GSE1: variants seen among roughly 807,000 people sequenced by gnomAD.
The protein encoded by GSE1 is Gse1 coiled-coil protein, also known as genetic suppressor element 1.
Under a neutral mutation model 112.6 loss-of-function variants are expected in GSE1, and 32 were observed. The observed-to-expected ratio is 0.28, with a 90% CI of 0.21 to 0.38. GSE1 has a LOEUF of 0.38. Ranked by LOEUF, GSE1 falls within the 10% of genes least tolerant of loss-of-function variation. The pLI, the probability that GSE1 is intolerant of heterozygous loss-of-function variation, is 1.00. For missense variants in GSE1, 2,348 were observed against 1,699.2 expected (o/e 1.38, Z -6.71); for synonymous variants, 1,115 against 735.6 (o/e 1.52, Z -8.35).
chr16:85,503,833 G>T (rs191941607), intron 2 of GSE1, among the ~76,000 whole-genome samples: 7 of 152,296 alleles, frequency 4.6e-5, no homozygotes, highest in African/African-American at 1.7e-4. Context: ...ATCATCACCC[G>T]TGAACCCATT....
intron 1 of GSE1, among the ~76,000 whole-genome samples, chr16:85,254,081 C>T (rs963056963): frequency 3.3e-5 from 5 of 152,134 alleles, no homozygotes; most frequent in East Asian, 1.9e-4. Flanking sequence ...CAGCACCATC[C>T]GATTGCCAGC....
chr16:85,402,718 T>C (rs2048145123), intron 2 of GSE1, among the ~76,000 whole-genome samples: 1 of 151,934 alleles, frequency 6.6e-6, no homozygotes, highest in Non-Finnish European at 1.5e-5. Flanking sequence ...GCCCAGGAGT[T>C]CAAGACCAGC....
At chr16:85,424,599 C>T (rs2048925128) in intron 2 of GSE1, among the ~76,000 whole-genome samples, 1 of 152,262 alleles carries the variant, frequency 6.6e-6, no homozygotes, top group South Asian at 2.1e-4. Context: ...TCCCAGCCCG[C>T]CAGGATCTTG....
At chr16:85,518,784 T>C (rs557272683) in intron 2 of GSE1, among the ~76,000 whole-genome samples, 1 of 151,992 alleles carries the variant, frequency 6.6e-6, no homozygotes, top group African/African-American at 2.4e-5. Context: ...CCCTGTGGTA[T>C]AAAAAGGACC....
At position 85,483,943 on chromosome 16, in the gene GSE1, G is replaced by A. The variant is rs543997225; in HGVS notation, c.2464+126300G>A. ...CCATCCTCTCAGCTGGGACAGTGGG[G>A]GACTTTCAGACCTAAGCGTTGGAGG... On this transcript the variant is annotated intron_variant, in intron 2 of 2. Transcript: ENST00000637419. Among the ~76,000 whole-genome samples, 12 of 152,300 alleles carry A rather than the reference G, an allele frequency of 7.9e-5. No homozygotes were observed. The South Asian group carries it at 2.5e-3, about 32-fold the overall frequency.
intron 1 of GSE1, among the ~76,000 whole-genome samples, chr16:85,258,383 A>C (rs1336575856): frequency 6.6e-6 from 1 of 152,190 alleles, no homozygotes; most frequent in African/African-American, 2.4e-5. Flanking sequence ...CCACAGTGAA[A>C]GGATGTTGAG....
intron 2 of GSE1, among the ~76,000 whole-genome samples, chr16:85,449,919 C>G (rs1276873442): frequency 6.6e-6 from 1 of 152,186 alleles, no homozygotes. Context: ...CTGCCGCTGC[C>G]CTTCCTGCCA....
intron 2 of GSE1, among the ~76,000 whole-genome samples, chr16:85,475,776 CT>C (rs57562071): frequency 0.37 from 53,784 of 144,186 alleles, 10,981 homozygotes; most frequent in African/African-American, 0.5. Flanking sequence ...AATTGTTTTT[CT>C]TTTTTTTTTT....
chr16:85,666,460 T>C, intron 13 of GSE1, 113 bp downstream of exon 13: 1 of 930,476 alleles, frequency 1.1e-6, no homozygotes, highest in Non-Finnish European at 1.7e-6. Flanking sequence ...TTTTATAAAC[T>C]CCAATCACCA....
intron 1 of GSE1, among the ~76,000 whole-genome samples, chr16:85,312,410 C>G (rs1236674243): frequency 6.6e-6 from 1 of 152,200 alleles, no homozygotes; most frequent in African/African-American, 2.4e-5. Flanking sequence ...TCTTCCAGTT[C>G]CCATTGGTCC....
chr16:85,620,758 G>A (rs2048680422), intron 1 of GSE1, among the ~76,000 whole-genome samples: 1 of 152,100 alleles, frequency 6.6e-6, no homozygotes, highest in South Asian at 2.1e-4. Flanking sequence ...ACTGTTCTCA[G>A]CCCTGGGTCT....
chr16:85,486,270 C>T (rs1470670200), intron 2 of GSE1, among the ~76,000 whole-genome samples: 1 of 151,358 alleles, frequency 6.6e-6, no homozygotes, highest in Non-Finnish European at 1.5e-5. Flanking sequence ...CCCTTATACT[C>T]ACAGGTGGAC....
intron 1 of GSE1, chr16:85,582,094 G>C (rs2151387463): frequency 6.6e-6 from 1 of 152,342 alleles, no homozygotes; most frequent in Middle Eastern, 3.4e-3. Context: ...GGGCGGAATT[G>C]GGTGGGGAAG....
At chr16:85,493,913 T>G (rs1256743476) in intron 2 of GSE1, among the ~76,000 whole-genome samples, 1 of 151,252 alleles carries the variant, frequency 6.6e-6, no homozygotes, top group African/African-American at 2.4e-5. Context: ...AGACCTTGTC[T>G]CTACAAAAAG....
chr16:85,557,106 T>TA (rs1160874423), intron 1 of GSE1, among the ~76,000 whole-genome samples: 3 of 151,800 alleles, frequency 2.0e-5, no homozygotes, highest in African/African-American at 4.8e-5. Flanking sequence ...TTCTAAACCT[T>TA]AAAAAAAATT....
intron 1 of GSE1, among the ~76,000 whole-genome samples, chr16:85,586,905 G>T (rs796191889): frequency 6.6e-6 from 1 of 152,258 alleles, no homozygotes; most frequent in African/African-American, 2.4e-5. Flanking sequence ...CCAGCATGCA[G>T]CGCGAGAGGA....
At chr16:85,272,684 C>T (rs1908961095) in intron 1 of GSE1, among the ~76,000 whole-genome samples, 1 of 151,906 alleles carries the variant, frequency 6.6e-6, no homozygotes, top group Non-Finnish European at 1.5e-5. Context: ...AGGGGACCCA[C>T]AGGAGAAAAG....
intron 1 of GSE1, among the ~76,000 whole-genome samples, chr16:85,188,900 C>T (rs1243861383): frequency 5.9e-5 from 9 of 152,066 alleles, no homozygotes; most frequent in Admixed American, 5.2e-4. Flanking sequence ...CTTTCTTAAC[C>T]CTCAAAATTT....
chr16:85,648,269 C>T lies in GSE1; in HGVS notation c.227-283C>T, dbSNP rs367894863. On this transcript the variant is annotated intron_variant, in intron 2 of 15. Transcript: ENST00000253458. ...GCTCCTCCTGTCTGGTGGCGGTGGG[C>T]GGCCCTGGGCACCAGAGCATCTGTG... Among the ~76,000 whole-genome samples, 14 of 152,250 alleles carry T rather than the reference C, an allele frequency of 9.2e-5. No homozygotes were observed. In the East Asian group the frequency reaches 2.3e-3, roughly 25 times the overall value.
Sources: allele counts gnomAD v4.1 joint callset (sites outside exome capture counted in the v4.1 genomes callset), GRCh38; gene constraint gnomAD v4.1.1; transcripts MANE v1.5; gene names NCBI Gene and HGNC (gene_info 2026-07-23, HGNC 2026-07-21).